AKAP9: variants seen among roughly 807,000 people sequenced by gnomAD.
The protein encoded by AKAP9 is A-kinase anchor protein 9.
A neutral mutation model predicts 488.5 loss-of-function variants in AKAP9; 311 were observed. The ratio of observed to expected loss-of-function variants is 0.64; its 90% CI spans 0.58 to 0.70. AKAP9 has a LOEUF of 0.70. AKAP9 is among the 30% of genes least tolerant of loss of function. The pLI is 0.00. For missense variants in AKAP9, 4,215 were observed against 4,374.5 expected, an observed-to-expected ratio of 0.96 and a Z score of 1.03; for synonymous variants, 1,462 against 1,483.5, an observed-to-expected ratio of 0.99 and a Z score of 0.33.
At position 92,087,886 on chromosome 7, in the gene AKAP9, A is replaced by AAT. The variant is rs892629279; in HGVS notation, c.9213+1480_9213+1481dup. Among the ~76,000 whole-genome samples the AAT allele has an allele frequency of 8.0e-5, 12 of 150,784 alleles. No homozygotes were observed. In the East Asian group the frequency reaches 9.7e-4, roughly 12 times the overall value. On this transcript the variant is annotated intron_variant, in intron 37 of 49. Transcript: ENST00000356239. ...GAGACCATACTGATATAAATAAATA[A>AAT]ATATATATATAAATAAATAAATAGT...
At chr7:92,054,576 A>C (rs548131999) in intron 22 of AKAP9, among the ~76,000 whole-genome samples, 9 of 152,054 alleles carry the variant, frequency 5.9e-5, no homozygotes, top group Admixed American at 2.0e-4. Flanking sequence ...TCACTGGCAA[A>C]ATTTTTGAAT....
chr7:92,068,140 C>T (rs1297604209), intron 26 of AKAP9, among the ~76,000 whole-genome samples: 7 of 151,770 alleles, frequency 4.6e-5, no homozygotes, highest in Non-Finnish European at 1.5e-5. Flanking sequence ...GTGGGCAGAT[C>T]ACGAGGTCAG....
At chr7:91,951,825 A>G (rs1056764279) in intron 1 of AKAP9, among the ~76,000 whole-genome samples, 15 of 152,324 alleles carry the variant, frequency 9.8e-5, no homozygotes, top group African/African-American at 3.4e-4. Flanking sequence ...CAGTGAGCCA[A>G]GATCATGCCA....
chr7:91,981,893 C>A (rs973050042), intron 3 of AKAP9, among the ~76,000 whole-genome samples: 2 of 152,024 alleles, frequency 1.3e-5, no homozygotes, highest in Non-Finnish European at 2.9e-5. Context: ...TGTAAGCCAC[C>A]GCACCTGGCT....
In AKAP9 at chr7:92,082,502, G is replaced by A; in HGVS notation, c.8020-20G>A. On this transcript the variant is annotated intron_variant, in intron 31 of 49. Transcript: ENST00000356239. ...ATTTTTTTTAAATTATGTGTTTCTT[G>A]TGTTTCCGCTGTCATTCAGACAACT... The A allele has an allele frequency of 3.7e-6, 6 of 1,611,982 alleles. No homozygotes were observed. Among genetic ancestry groups the A allele is most frequent in the Non-Finnish European group, 5.1e-6 (6 of 1,178,520 alleles).
At chr7:92,009,024 A>G (rs1319928568) in intron 8 of AKAP9, among the ~76,000 whole-genome samples, 11 of 151,798 alleles carry the variant, frequency 7.2e-5, no homozygotes, top group Non-Finnish European at 1.6e-4. Context: ...AAAAAAAGAC[A>G]TAAACCAAAT....
intron 1 of AKAP9, among the ~76,000 whole-genome samples, chr7:91,943,705 A>C (rs1791081974): frequency 6.6e-6 from 1 of 152,248 alleles, no homozygotes; most frequent in Admixed American, 6.5e-5. Context: ...TTATTCATAC[A>C]TATTTGCTTA....
chr7:92,067,157 C>T (rs1240550076), intron 26 of AKAP9, among the ~76,000 whole-genome samples: 2 of 152,162 alleles, frequency 1.3e-5, no homozygotes, highest in East Asian at 3.9e-4. Flanking sequence ...CCAAAACTTA[C>T]TCTTGGGCCC....
At chr7:91,987,082 G>T in intron 3 of AKAP9, among the ~76,000 whole-genome samples, 1 of 151,980 alleles carries the variant, frequency 6.6e-6, no homozygotes, top group East Asian at 1.9e-4. Flanking sequence ...CTATCTTACC[G>T]TGTGGAATAA....
intron 22 of AKAP9, among the ~76,000 whole-genome samples, chr7:92,056,609 T>G (rs1808828909): frequency 6.6e-6 from 1 of 151,406 alleles, no homozygotes; most frequent in African/African-American, 2.4e-5. Context: ...AACAAAAAAT[T>G]TTTATTGCCT....
intron 21 of AKAP9, among the ~76,000 whole-genome samples, chr7:92,051,080 A>G (rs2130801824): frequency 6.6e-6 from 1 of 152,204 alleles, no homozygotes; most frequent in East Asian, 1.9e-4. Flanking sequence ...TACTCTTTCC[A>G]TTTGTTTATA....
At chr7:92,019,700 A>G (rs530428286) in intron 12 of AKAP9, among the ~76,000 whole-genome samples, 1 of 151,744 alleles carries the variant, frequency 6.6e-6, no homozygotes, top group South Asian at 2.1e-4. Context: ...GCAACATTTT[A>G]GTAGGTGTTT....
chr7:92,037,407 A>G (rs999082840), intron 16 of AKAP9, among the ~76,000 whole-genome samples: 1 of 152,228 alleles, frequency 6.6e-6, no homozygotes, highest in Non-Finnish European at 1.5e-5. Context: ...TATGACCTGG[A>G]CCAGCAAGGA....
rs778273738 is a variant in AKAP9 at position 92,003,026 on chromosome 7, A to G, written c.3109A>G (p.Lys1037Glu). The G allele has an allele frequency of 1.2e-6, 2 of 1,613,278 alleles. No individual in the cohort carries two copies. Among genetic ancestry groups the G allele is most frequent in the Admixed American group, 1.7e-5 (1 of 59,926 alleles). The part of the protein sequence containing the change: ...TSRGAEGSVS[K>E]VNKSFGEESK... ...CAGGGGTGCTGAAGGATCAGTTTCT[A>G]AAGTAAATAAAAGTTTTGGTGAAGA... The change falls in exon 8 of 50, where the codon AAA becomes GAA. Residue 1037 changes from lysine (K) to glutamate (E), a missense_variant. Lys to Glu is a moderately conservative substitution (Grantham distance 56, BLOSUM62 1). Around this residue, in one of 5 missense-constraint regions of AKAP9, gnomAD observed 2,361 missense variants for 2,430.0 expected, o/e 0.97. Transcript: ENST00000356239.
At chr7:91,961,892 G>A (rs1437427323) in intron 1 of AKAP9, among the ~76,000 whole-genome samples, 1 of 152,154 alleles carries the variant, frequency 6.6e-6, no homozygotes, top group Non-Finnish European at 1.5e-5. Context: ...TTTGTATTAA[G>A]TCATTTATTC....
At chr7:91,992,288 T>C in intron 4 of AKAP9, 77 bp downstream of exon 4, 2 of 1,043,816 alleles carry the variant, frequency 1.9e-6, no homozygotes, top group South Asian at 1.3e-5. Flanking sequence ...CAAAACTTTT[T>C]CCTGCATGTA....
At chr7:92,073,038 G>T (rs1387708900) in intron 28 of AKAP9, among the ~76,000 whole-genome samples, 2 of 152,088 alleles carry the variant, frequency 1.3e-5, no homozygotes, top group East Asian at 1.9e-4. Flanking sequence ...GGCCCATTTT[G>T]TCTTGTTGGT....
rs1349646807 is a variant in AKAP9 at position 92,085,703 on chromosome 7, A to G, written c.9024+17A>G. 4 of 1,558,044 alleles carry G rather than the reference A, an allele frequency of 2.6e-6. No individual in the cohort carries two copies. The highest frequency in any genetic ancestry group is 2.7e-5 in the African/African-American group (2 of 73,566). The stretch of plus-strand genomic sequence containing the variant: ...GAAGCCGAGGTAACCAAAGAATACT[A>G]TGCATTTAAATCATTTTATGTATTA... On this transcript the variant is annotated intron_variant, in intron 36 of 49. Coordinates refer to ENST00000356239, the MANE Select transcript of AKAP9 (RefSeq NM_005751.5).
intron 26 of AKAP9, among the ~76,000 whole-genome samples, chr7:92,068,316 A>C (rs957942992): frequency 6.8e-6 from 1 of 147,648 alleles, no homozygotes; most frequent in Non-Finnish European, 1.5e-5. Context: ...CAGTGAGCTG[A>C]GATCACGCCA....
Sources: allele counts gnomAD v4.1 joint callset (sites outside exome capture counted in the v4.1 genomes callset), GRCh38; gene constraint gnomAD v4.1.1; regional missense constraint gnomAD v4.1.1; transcripts MANE v1.5; gene names NCBI Gene and HGNC (gene_info 2026-07-23, HGNC 2026-07-21).